MTMR8: variants seen among roughly 807,000 people sequenced by gnomAD.
MTMR8 encodes phosphatidylinositol-3,5-bisphosphate 3-phosphatase MTMR8.
Under a neutral mutation model 39.3 loss-of-function variants are expected in MTMR8, and 65 were observed. The ratio of observed to expected loss-of-function variants is 1.65; its 90% CI spans 1.35 to 2.03. MTMR8 has a LOEUF of 2.03. MTMR8 is among the 30% of genes most tolerant of loss of function. MTMR8 has a pLI of 0.00. For missense variants in MTMR8, 777 were observed against 538.9 expected (o/e 1.44, Z -4.37); for synonymous variants, 245 against 185.2 (o/e 1.32, Z -2.62).
At chrX:64,381,023 T>C (rs921785915) in intron 1 of MTMR8, among the ~76,000 whole-genome samples, 1 of 112,307 alleles carries the variant, frequency 8.9e-6, no homozygotes, top group Non-Finnish European at 1.9e-5. Context: ...GTTCCAAGTC[T>C]TTGCTATTGT....
At chrX:64,288,144 C>G (rs1921262559) in intron 12 of MTMR8, among the ~76,000 whole-genome samples, 2 of 103,747 alleles carry the variant, frequency 1.9e-5, no homozygotes, top group African/African-American at 6.9e-5. Context: ...TCTAAAAGAA[C>G]TCACAAAAAT....
At chrX:64,342,077 T>C (rs903943217) in intron 8 of MTMR8, among the ~76,000 whole-genome samples, 10 of 112,250 alleles carry the variant, frequency 8.9e-5, no homozygotes, top group African/African-American at 3.2e-4. Flanking sequence ...GGCAATAGAA[T>C]TGATAACCAA....
chrX:64,385,709 C>T (rs1417271292), intron 1 of MTMR8, among the ~76,000 whole-genome samples: 1 of 111,005 alleles, frequency 9.0e-6, no homozygotes, highest in Non-Finnish European at 1.9e-5. Context: ...TACTTTTAAA[C>T]AACCAGATCT....
chrX:64,334,064 T>C (rs1923010003), intron 10 of MTMR8, among the ~76,000 whole-genome samples: 2 of 111,135 alleles, frequency 1.8e-5, no homozygotes, highest in African/African-American at 6.6e-5. Flanking sequence ...CTTATCTGAA[T>C]CCATGGTTTA....
intron 1 of MTMR8, among the ~76,000 whole-genome samples, chrX:64,382,388 G>T (rs1602158315): frequency 1.8e-5 from 2 of 111,449 alleles, no homozygotes; most frequent in African/African-American, 6.5e-5. Context: ...GTTCACTCAT[G>T]ATTTGGCTCT....
chrX:64,286,532 T>C (rs1385743123), intron 12 of MTMR8, among the ~76,000 whole-genome samples: 2 of 111,661 alleles, frequency 1.8e-5, no homozygotes, highest in African/African-American at 6.5e-5. Context: ...TAGACCAATA[T>C]CCCTGATGAA....
At chrX:64,353,781 G>T (rs144745595) in intron 4 of MTMR8, among the ~76,000 whole-genome samples, 1 of 110,038 alleles carries the variant, frequency 9.1e-6, no homozygotes, top group East Asian at 2.9e-4. Context: ...AAACAAATTC[G>T]CCAGGCATGG....
intron 1 of MTMR8, among the ~76,000 whole-genome samples, chrX:64,378,298 G>A (rs963788809): frequency 8.9e-6 from 1 of 111,949 alleles, no homozygotes; most frequent in African/African-American, 3.2e-5. Flanking sequence ...ATGGCTCATT[G>A]CAGCCTCAAC....
chrX:64,338,773 G>A (rs981506661), intron 8 of MTMR8, among the ~76,000 whole-genome samples: 1 of 111,735 alleles, frequency 8.9e-6, no homozygotes, highest in African/African-American at 3.3e-5. Flanking sequence ...TAGGCCTGAG[G>A]TAAGGTAGTA....
At chrX:64,355,980 G>T (rs1923612727) in intron 3 of MTMR8, among the ~76,000 whole-genome samples, 196 bp downstream of exon 3, 1 of 111,116 alleles carries the variant, frequency 9.0e-6, no homozygotes, top group Non-Finnish European at 1.9e-5. Context: ...TCCCCTTGAA[G>T]AGCTTTTACT....
chrX:64,275,629 C>T (rs1359683036), intron 12 of MTMR8, among the ~76,000 whole-genome samples: 2 of 87,024 alleles, frequency 2.3e-5, no homozygotes, highest in African/African-American at 8.6e-5. Context: ...GCAGCCAGGC[C>T]AACAGAGTGA....
rs181975637 is a variant in MTMR8, at chrX:64,285,523, C to A, written c.1482-14450G>T. Among the ~76,000 whole-genome samples, 16 of 111,712 alleles carry A rather than the reference C, an allele frequency of 1.4e-4. No individual in the cohort carries two copies. The East Asian group carries it at 4.5e-3, about 31-fold the overall frequency. On this transcript the variant is annotated intron_variant, in intron 12 of 13. Coordinates refer to ENST00000374852, the MANE Select transcript of MTMR8 (RefSeq NM_017677.4). ...ACCCCAAATCAACAGAATATACATTCTTCTCAGCACCACACCACACCTATT... is the reference window on the plus strand; with the variant it reads ...ACCCCAAATCAACAGAATATACATTATTCTCAGCACCACACCACACCTATT...
At chrX:64,344,178 T>C (rs1346613944) in intron 7 of MTMR8, among the ~76,000 whole-genome samples, 1 of 111,575 alleles carries the variant, frequency 9.0e-6, no homozygotes, top group Non-Finnish European at 1.9e-5. Flanking sequence ...CACTTTGCAA[T>C]AATTATCCAG....
intron 12 of MTMR8, among the ~76,000 whole-genome samples, chrX:64,294,422 GC>G (rs1168611246): frequency 9.0e-6 from 1 of 111,325 alleles, no homozygotes; most frequent in Non-Finnish European, 1.9e-5. Context: ...CTAGATGCCT[GC>G]CCCATTATTT....
intron 4 of MTMR8, among the ~76,000 whole-genome samples, chrX:64,352,731 C>T (rs1163949401): frequency 3.6e-5 from 4 of 111,600 alleles, no homozygotes; most frequent in Non-Finnish European, 7.5e-5. Context: ...GCTTTCAATT[C>T]TACCACCTAA....
intron 12 of MTMR8, among the ~76,000 whole-genome samples, chrX:64,276,192 C>G (rs1173320726): frequency 9.0e-6 from 1 of 110,815 alleles, no homozygotes; most frequent in Non-Finnish European, 1.9e-5. Flanking sequence ...TCCTTCAGTT[C>G]TGATCTGATC....
intron 12 of MTMR8, among the ~76,000 whole-genome samples, chrX:64,309,842 T>A (rs1409369987): frequency 8.9e-6 from 1 of 112,329 alleles, no homozygotes; most frequent in African/African-American, 3.2e-5. Context: ...ACTGTATATA[T>A]CTTAATTAAA....
intron 12 of MTMR8, among the ~76,000 whole-genome samples, chrX:64,296,868 A>C (rs1921617971): frequency 9.8e-6 from 1 of 102,230 alleles, no homozygotes; most frequent in South Asian, 4.8e-4. Context: ...ACTGAGAATG[A>C]TGATTTCCAA....
chrX:64,295,501 A>G (rs750394820), intron 12 of MTMR8, among the ~76,000 whole-genome samples: 69 of 111,538 alleles, frequency 6.2e-4, no homozygotes, highest in African/African-American at 2.0e-3. Context: ...GCATCAAAAG[A>G]TACTATCAAG....
Sources: allele counts gnomAD v4.1 joint callset (sites outside exome capture counted in the v4.1 genomes callset), GRCh38; gene constraint gnomAD v4.1.1; transcripts MANE v1.5; gene names NCBI Gene and HGNC (gene_info 2026-07-23, HGNC 2026-07-21).